The following ADAM17 variants were observed in gnomAD, a reference collection of about 807,000 sequenced individuals.
The protein encoded by ADAM17 is ADAM metallopeptidase domain 17, also known as disintegrin and metalloproteinase domain-containing protein 17.
A neutral mutation model predicts 96.7 loss-of-function variants in ADAM17; 39 were observed. That is an observed-to-expected ratio of 0.40 (90% CI 0.31 to 0.53). The LOEUF (loss-of-function observed/expected upper bound fraction) is 0.53, where lower values mean the gene tolerates loss of function less well. ADAM17 is among the 20% of genes least tolerant of loss of function. The probability of loss-of-function intolerance (pLI) is 0.44; values close to 1 mark genes in which losing one functional copy is unlikely to be tolerated. For synonymous variants in ADAM17, 344 were observed against 359.2 expected (o/e 0.96, Z 0.48); for missense variants, 777 against 1,013.2 (o/e 0.77, Z 3.17).
At chr2:9,514,518 A>AATATATATAAAT (rs1663933881) in intron 10 of ADAM17, among the ~76,000 whole-genome samples, 1 of 89,884 alleles carries the variant, frequency 1.1e-5, no homozygotes, top group Admixed American at 1.6e-4. Flanking sequence ...TTAAAATATA[A>AATATATATAAAT]ATATATATAT....
chr2:9,498,501 G>T (rs1662784855), intron 13 of ADAM17, among the ~76,000 whole-genome samples: 1 of 152,208 alleles, frequency 6.6e-6, no homozygotes, highest in African/African-American at 2.4e-5. Context: ...CACAGCTCTG[G>T]ACTGGCCTTT....
intron 1 of ADAM17, 50 bp downstream of exon 1, chr2:9,555,459 C>T: frequency 6.7e-7 from 1 of 1,484,536 alleles, no homozygotes; most frequent in Non-Finnish European, 9.0e-7. Flanking sequence ...GCTCTTCCCT[C>T]AAACGAGCGC....
intron 1 of ADAM17, among the ~76,000 whole-genome samples, chr2:9,552,002 G>T (rs746484250): frequency 1.4e-4 from 21 of 152,144 alleles, no homozygotes; most frequent in Non-Finnish European, 2.6e-4. Flanking sequence ...TGTGTTAGGG[G>T]TAATGTGTGC....
chr2:9,501,955 G>A (rs903588723), intron 13 of ADAM17, among the ~76,000 whole-genome samples: 25 of 151,912 alleles, frequency 1.6e-4, no homozygotes, highest in African/African-American at 5.6e-4. Flanking sequence ...GGATGTCTGT[G>A]AGGAGAAAGA....
intron 1 of ADAM17, among the ~76,000 whole-genome samples, chr2:9,545,104 T>C (rs746148674): frequency 6.6e-6 from 1 of 152,206 alleles, no homozygotes; most frequent in Non-Finnish European, 1.5e-5. Flanking sequence ...GCCCAGTAGT[T>C]CTCAAAGTGT....
chr2:9,491,253 A>T, intron 17 of ADAM17, 102 bp from the exon 18 acceptor site: 7 of 1,076,492 alleles, frequency 6.5e-6, no homozygotes, highest in Non-Finnish European at 9.5e-6. Context: ...AGAACTTAGA[A>T]CCTGAGTTGT....
intron 14 of ADAM17, among the ~76,000 whole-genome samples, chr2:9,495,294 G>C (rs1056209775): frequency 2.0e-5 from 3 of 152,252 alleles, no homozygotes; most frequent in Non-Finnish European, 4.4e-5. Context: ...CAGGTCACAG[G>C]ATAAAACACC....
At chr2:9,522,551 T>A in intron 7 of ADAM17, 2 of 477,158 alleles carry the variant, frequency 4.2e-6, no homozygotes, top group South Asian at 4.2e-5. Flanking sequence ...GAATGATTTT[T>A]AAAAATTTTT....
chr2:9,514,566 T>TATATATATATATAA (rs1558509998), intron 10 of ADAM17, among the ~76,000 whole-genome samples: 2 of 92,350 alleles, frequency 2.2e-5, no homozygotes, highest in Admixed American at 1.2e-4. Context: ...TATATATATA[T>TATATATATATATAA]ATAAATAAAA....
At chr2:9,497,347 C>A in intron 13 of ADAM17, 99 bp from the exon 14 acceptor site, 1 of 1,512,800 alleles carries the variant, frequency 6.6e-7, no homozygotes. Flanking sequence ...GAGCATCTTA[C>A]CTTGCAAAAG....
At chr2:9,552,152 T>C (rs1378356899) in intron 1 of ADAM17, among the ~76,000 whole-genome samples, 1 of 152,214 alleles carries the variant, frequency 6.6e-6, no homozygotes, top group Non-Finnish European at 1.5e-5. Flanking sequence ...ATCAATCTTT[T>C]TCAGACTTTC....
chr2:9,510,541 G>C (rs1024371761), intron 10 of ADAM17, among the ~76,000 whole-genome samples: 1 of 152,112 alleles, frequency 6.6e-6, no homozygotes, highest in Non-Finnish European at 1.5e-5. Flanking sequence ...GCACGCGCCT[G>C]TAATCTCAAC....
chr2:9,493,239 G>A (rs1662304758), intron 16 of ADAM17, among the ~76,000 whole-genome samples: 2 of 152,214 alleles, frequency 1.3e-5, no homozygotes, highest in Admixed American at 1.3e-4. Flanking sequence ...TGGAGTAGCT[G>A]TGTCAACAGA....
intron 8 of ADAM17, 121 bp downstream of exon 8, chr2:9,521,081 TG>T (rs2125020982): frequency 4.4e-6 from 3 of 679,450 alleles, no homozygotes; most frequent in Non-Finnish European, 7.8e-6. Flanking sequence ...CTGGATCAGC[TG>T]GAGGAGACTG....
chr2:9,536,862 C>A (rs1664980889), intron 2 of ADAM17, 34 bp from the exon 3 acceptor site: 1 of 1,602,882 alleles, frequency 6.2e-7, no homozygotes, highest in Admixed American at 1.7e-5. Flanking sequence ...TTACTCTAAG[C>A]ACACAAATTT....
In ADAM17 at chr2:9,490,419, T is replaced by C; in HGVS notation, c.2233A>G (p.Ile745Val). 1 of 1,614,136 alleles carries C rather than the reference T, an allele frequency of 6.2e-7. No homozygotes were observed. The highest frequency in any genetic ancestry group is 1.3e-5 in the African/African-American group (1 of 75,024). Residue 745 changes from isoleucine (I) to valine (V), a missense_variant, in exon 19 of 19, where the codon ATC (isoleucine) becomes GTC (valine). Ile to Val is a conservative substitution (Grantham distance 29). This residue lies in a region of ADAM17 where 197 missense variants were observed against 219.4 expected (regional missense o/e 0.90). Transcript: ENST00000310823. ...TPGRLQPAPV[I>V]PSAPAAPKLD... ...TTTGGAGCTGCTGGCGCCGAAGGGATCACAGGGGCAGGCTGCAGGCGGCCT... is the reference window on the plus strand; with the variant it reads ...TTTGGAGCTGCTGGCGCCGAAGGGACCACAGGGGCAGGCTGCAGGCGGCCT...
At chr2:9,495,538 C>T (rs1662507485) in intron 14 of ADAM17, among the ~76,000 whole-genome samples, 1 of 152,066 alleles carries the variant, frequency 6.6e-6, no homozygotes, top group Admixed American at 6.5e-5. Context: ...CATGGCAAGA[C>T]CCCATCTCTA....
At chr2:9,551,773 A>C (rs1314649269) in intron 1 of ADAM17, among the ~76,000 whole-genome samples, 1 of 152,152 alleles carries the variant, frequency 6.6e-6, no homozygotes, top group African/African-American at 2.4e-5. Flanking sequence ...CAATATTTTT[A>C]AGTAACTTTT....
intron 14 of ADAM17, chr2:9,496,568 C>G (rs1174907171): frequency 6.5e-6 from 1 of 152,850 alleles, no homozygotes; most frequent in Non-Finnish European, 1.5e-5. Flanking sequence ...GCACAGAAAC[C>G]TAAGGAAAAC....
Sources: gnomAD v4.1 joint callset for allele counts (sites outside exome capture counted in the v4.1 genomes callset) on GRCh38, gnomAD v4.1.1 for gene constraint, gnomAD v4.1.1 regional missense constraint, MANE v1.5 for transcripts, NCBI Gene and HGNC (gene_info 2026-07-23, HGNC 2026-07-21) for gene names.